The following RGS12 variants were observed in gnomAD, a reference collection of about 807,000 sequenced individuals.
The protein encoded by RGS12 is regulator of G-protein signaling 12.
In RGS12, 66 loss-of-function variants were observed where a neutral mutation model predicts 120.1. That is an observed-to-expected ratio of 0.55 (90% confidence interval 0.45 to 0.67). RGS12 has a LOEUF of 0.67. RGS12 is among the 30% of genes least tolerant of loss of function. RGS12 has a pLI of 0.00. For missense variants in RGS12, 1,859 were observed against 1,957.7 expected (o/e 0.95, Z 0.95); for synonymous variants, 827 against 804.7 (o/e 1.03, Z -0.47).
intron 3 of RGS12, among the ~76,000 whole-genome samples, chr4:3,348,509 A>G (rs1036209986): frequency 6.6e-6 from 1 of 152,180 alleles, no homozygotes; most frequent in Non-Finnish European, 1.5e-5. Context: ...ACATAGGAAG[A>G]GGGTGTCCAG....
At chr4:3,323,762 G>A (rs1725361420) in intron 2 of RGS12, among the ~76,000 whole-genome samples, 1 of 152,036 alleles carries the variant, frequency 6.6e-6, no homozygotes, top group African/African-American at 2.4e-5. Context: ...TCCTAGATGT[G>A]GAATTGCTGT....
chr4:3,403,679 C>T (rs958834965), intron 4 of RGS12, among the ~76,000 whole-genome samples: 11 of 152,242 alleles, frequency 7.2e-5, no homozygotes, highest in Non-Finnish European at 2.9e-5. Flanking sequence ...GGGCCGGCCT[C>T]CGCAGCCTGT....
In RGS12 at chr4:3,339,600, G is replaced by A. The variant is rs1332105174; in HGVS notation, c.1882-3337G>A. ...ATTGGAGTAGGCAGATACTTGCCATGGTCTACAGTGCATAGCTGGGGAGGC... is the reference window on the plus strand; with the variant it reads ...ATTGGAGTAGGCAGATACTTGCCATAGTCTACAGTGCATAGCTGGGGAGGC... On this transcript the variant is annotated intron_variant, in intron 2 of 17. Transcript: ENST00000336727. 2.0e-5 allele frequency among the ~76,000 whole-genome samples: 3 copies of A among 152,230 alleles called. No individual in the cohort carries two copies. In the East Asian group the frequency reaches 5.8e-4, roughly 29 times the overall value.
Position 3,430,770 on chromosome 4 carries a change from A to T in RGS12, c.3929A>T (p.Gln1310Leu). 6.2e-7 allele frequency: 1 copy of T among 1,609,842 alleles called. No individual in the cohort carries two copies. Among genetic ancestry groups the T allele is most frequent in the Non-Finnish European group, 8.5e-7 (1 of 1,178,482 alleles). Residue 1310 changes from glutamine to leucine, a missense_variant, in exon 17 of 18, where the codon CAG becomes CTG. Gln to Leu is a moderately radical substitution (Grantham distance 113). Transcript: ENST00000336727. ...CTPQSPVSLA[Q>L]EGTAQIWKRQ... The stretch of plus-strand genomic sequence containing the variant: ...CCCCAGTCCCCCGTCTCCCTCGCGC[A>T]GGAGGGCACCGCCCAGATCTGGAAG...
chr4:3,342,354 G>T, intron 2 of RGS12: 1 of 1,178,082 alleles, frequency 8.5e-7, no homozygotes, highest in Middle Eastern at 3.3e-4. Context: ...ATAGATGTTT[G>T]TCGAATTGAA....
chr4:3,360,591 A>G (rs187583212), intron 3 of RGS12, among the ~76,000 whole-genome samples: 136 of 152,224 alleles, frequency 8.9e-4, no homozygotes, highest in African/African-American at 3.1e-3. Context: ...TGTCTCAGAT[A>G]TTTTCTAATT....
At chr4:3,330,659 C>T (rs1711740725) in intron 2 of RGS12, among the ~76,000 whole-genome samples, 1 of 152,192 alleles carries the variant, frequency 6.6e-6, no homozygotes. Flanking sequence ...GGGATCCATA[C>T]ACTCATTTTA....
At chr4:3,362,319 C>T (rs73077146) in intron 3 of RGS12, among the ~76,000 whole-genome samples, 2,270 of 152,124 alleles carry the variant, frequency 0.015, 59 homozygotes, top group African/African-American at 0.05. Context: ...ACCAGTGTGT[C>T]GCCTCATGTC....
intron 4 of RGS12, among the ~76,000 whole-genome samples, chr4:3,402,885 G>A (rs1198557188): frequency 2.0e-5 from 3 of 152,216 alleles, no homozygotes; most frequent in Non-Finnish European, 4.4e-5. Context: ...AGTTAGGGTT[G>A]ATCTTTGAAA....
intron 6 of RGS12, among the ~76,000 whole-genome samples, chr4:3,415,121 G>A (rs1302965387): frequency 3.5e-5 from 5 of 141,798 alleles, no homozygotes; most frequent in African/African-American, 1.1e-4. Flanking sequence ...TGAGAGGGCC[G>A]CGTGTGTGTG....
rs150728548 is a variant in RGS12, at chr4:3,401,805, C to G, written c.2021-12267C>G. On this transcript the variant is annotated intron_variant, in intron 4 of 17. Coordinates refer to ENST00000336727, the MANE Select transcript of RGS12 (RefSeq NM_001394154.1). ...AGAAGGAGGCGGTGGCCTCATTTAC[C>G]GCATGCTCACCTTAAACTTGCCCAC... 7.9e-3 allele frequency among the ~76,000 whole-genome samples: 1,202 copies of G among 152,378 alleles called. 2 individuals are homozygous for G. Among genetic ancestry groups the G allele is most frequent in the Non-Finnish European group, 0.014 (924 of 68,040 alleles).
At chr4:3,330,703 A>G (rs183144746) in intron 2 of RGS12, among the ~76,000 whole-genome samples, 1 of 152,346 alleles carries the variant, frequency 6.6e-6, no homozygotes, top group East Asian at 1.9e-4. Context: ...TAACAGCACA[A>G]ATTAAAATAA....
At chr4:3,300,575 G>T (rs926934360) in intron 1 of RGS12, among the ~76,000 whole-genome samples, 10 of 152,224 alleles carry the variant, frequency 6.6e-5, no homozygotes, top group Non-Finnish European at 1.5e-4. Flanking sequence ...TCCCGTCACA[G>T]TTCTGGAGAC....
In RGS12 at chr4:3,395,496, A is replaced by G. The variant is rs144350413; in HGVS notation, c.2020+9059A>G. On this transcript the variant is annotated intron_variant, in intron 4 of 17. Coordinates refer to ENST00000336727, the MANE Select transcript of RGS12 (RefSeq NM_001394154.1). ...CTGCTCTGATAGGCTGGGGGTTTGT[A>G]TATATTCACCTATAGTAAATACTGC... 1.6e-4 allele frequency among the ~76,000 whole-genome samples: 24 copies of G among 152,310 alleles called. 1 individual carries two copies. The East Asian group carries it at 4.0e-3, about 26-fold the overall frequency.
chr4:3,414,132 G>C lies in RGS12; in HGVS notation c.2081G>C (p.Ser694Thr). Residue 694 changes from serine (S) to threonine (T), a missense_variant, in exon 5 of 18, where the codon AGC becomes ACC. Physicochemically the swap from Ser to Thr is moderately conservative, Grantham distance 58. Coordinates refer to ENST00000336727, the MANE Select transcript of RGS12 (RefSeq NM_001394154.1). The part of the protein sequence containing the change: ...VSNNSLSSNA[S>T]LPSVQSCRRL... ...AACAACAGCCTGAGCAGCAATGCCA[G>C]CCTCCCCAGCGTGCAGAGCTGCCGG... The C allele has an allele frequency of 6.4e-7, 1 of 1,570,032 alleles. No individual in the cohort carries two copies. Among genetic ancestry groups the C allele is most frequent in the Non-Finnish European group, 8.6e-7 (1 of 1,164,372 alleles).
At chr4:3,393,166 T>C (rs886671893) in intron 4 of RGS12, among the ~76,000 whole-genome samples, 4 of 152,220 alleles carry the variant, frequency 2.6e-5, no homozygotes, top group Non-Finnish European at 5.9e-5. Context: ...TGCTGAATTT[T>C]GTTGCCTTCC....
chr4:3,422,555 G>C lies in RGS12; in HGVS notation c.3018G>C (p.Leu1006=), dbSNP rs180848636. ...ACGGGGCGGCCGCGGACCTCTTCCTGGTGGGCGGGGACAAGGTACTGGGCC... is the reference window on the plus strand; with the variant it reads ...ACGGGGCGGCCGCGGACCTCTTCCTCGTGGGCGGGGACAAGGTACTGGGCC... ...GINGAAADLF[L]VGGDKPLVLH... Residue 1006 remains leucine (L), a synonymous_variant, in exon 11 of 18, where the codon CTG becomes CTC. Transcript: ENST00000336727. 1 of 1,612,266 alleles carries C rather than the reference G, an allele frequency of 6.2e-7. No individual in the cohort carries two copies. The highest frequency in any genetic ancestry group is 1.3e-5 in the African/African-American group (1 of 75,068).
In RGS12 at chr4:3,384,894, G is replaced by A. The variant is rs1478237544; in HGVS notation, c.1999-1522G>A. 3.3e-5 allele frequency among the ~76,000 whole-genome samples: 5 copies of A among 152,248 alleles called. 1 individual carries two copies. The highest frequency in any genetic ancestry group is 3.3e-4 in the Admixed American group (5 of 15,294). Reference sequence around the variant, plus strand: ...GGATGGCCAGGCTGCGTCGGGGCATGGTTGCCCTTGCCGGCAGGCTGGGAG... The same window carrying A: ...GGATGGCCAGGCTGCGTCGGGGCATAGTTGCCCTTGCCGGCAGGCTGGGAG... On this transcript the variant is annotated intron_variant, in intron 3 of 17. Transcript: ENST00000336727.
rs1304875417 is a variant in RGS12, at chr4:3,390,502, G to A, written c.2020+4065G>A. ...TTTAGTCGTGAAACCTTCTCAAAAA[G>A]CACACACAAGCACAGAAGCAGAAAC... On this transcript the variant is annotated intron_variant, in intron 4 of 17. Coordinates refer to ENST00000336727, the MANE Select transcript of RGS12 (RefSeq NM_001394154.1). The surrounding 1 kb of genome is among the most constrained non-coding windows in gnomAD (Gnocchi z 4.6). 6.6e-6 allele frequency among the ~76,000 whole-genome samples: 1 copy of A among 152,224 alleles called. No individual in the cohort carries two copies. Among genetic ancestry groups the A allele is most frequent in the Non-Finnish European group, 1.5e-5 (1 of 68,038 alleles).
Sources: gnomAD v4.1 joint callset for allele counts (sites outside exome capture counted in the v4.1 genomes callset) on GRCh38, gnomAD v4.1.1 for gene constraint, Gnocchi (gnomAD v3.1) non-coding constraint, MANE v1.5 for transcripts, NCBI Gene and HGNC (gene_info 2026-07-23, HGNC 2026-07-21) for gene names.